Variants in NUDCD1 observed in about 807,000 individuals in gnomAD.
The protein encoded by NUDCD1 is nudC domain-containing protein 1.
A neutral mutation model predicts 67.8 loss-of-function variants in NUDCD1; 60 were observed. The observed-to-expected ratio is 0.88, with a 90% CI of 0.72 to 1.10. NUDCD1 has a LOEUF of 1.10. Among genes scored for constraint, NUDCD1 ranks in the 50% least tolerant of loss-of-function variants. The pLI is 0.00. For missense variants in NUDCD1, 643 were observed against 695.0 expected (o/e 0.93, Z 0.84); for synonymous variants, 244 against 230.8 (o/e 1.06, Z -0.52).
chr8:109,299,051 G>T (rs1188500424), intron 2 of NUDCD1: 1 of 152,328 alleles, frequency 6.6e-6, no homozygotes, highest in African/African-American at 2.4e-5. Context: ...AGTCACTTGA[G>T]AGAGCTGAGC....
intron 2 of NUDCD1, among the ~76,000 whole-genome samples, chr8:109,320,228 C>T (rs1182250027): frequency 6.6e-6 from 1 of 152,146 alleles, no homozygotes. Flanking sequence ...ATTTCCTCTT[C>T]CTAATAAGCC....
At position 109,289,875 on chromosome 8, in the gene NUDCD1, A is replaced by G. The variant is rs1436347806; in HGVS notation, c.699T>C (p.His233=). ...RDILRGKSVP[H]YAAIEPDGNG... Reference sequence around the variant, plus strand: ...TTCCATCAGGCTCAATAGCAGCATAATGTGGCACTGACTTTCCACGGAGAA... The same window carrying G: ...TTCCATCAGGCTCAATAGCAGCATAGTGTGGCACTGACTTTCCACGGAGAA... The change falls in exon 5 of 10, where the codon CAT becomes CAC. Residue 233 remains histidine, a synonymous_variant. Coordinates refer to ENST00000239690, the MANE Select transcript of NUDCD1 (RefSeq NM_032869.4). 1 of 1,545,346 alleles carries G rather than the reference A, an allele frequency of 6.5e-7. No homozygotes were observed. The highest frequency in any genetic ancestry group is 1.2e-5 in the South Asian group (1 of 80,120).
At chr8:109,332,054 T>C (rs534233591) in intron 1 of NUDCD1, among the ~76,000 whole-genome samples, 68 of 152,344 alleles carry the variant, frequency 4.5e-4, no homozygotes, top group African/African-American at 1.6e-3. Context: ...CTTCTTCATA[T>C]ACTCATTTTA....
intron 2 of NUDCD1, among the ~76,000 whole-genome samples, chr8:109,318,301 G>A (rs56143438): frequency 7.2e-5 from 11 of 152,302 alleles, no homozygotes; most frequent in South Asian, 4.1e-4. Context: ...ATCTGACTTC[G>A]AGTCAGAAAA....
intron 8 of NUDCD1, among the ~76,000 whole-genome samples, chr8:109,247,891 C>T (rs908944250): frequency 4.0e-5 from 6 of 151,378 alleles, no homozygotes; most frequent in East Asian, 1.9e-4. Context: ...GAATAACGTC[C>T]CCCAAAGATG....
rs761581682 is a variant in NUDCD1 at position 109,245,414 on chromosome 8, CAGA to C, written c.1364_1366del (p.Phe455del). ...TAGGGCATCAACATCATGGCGCAAACAGAAGCAGGGCATTTCTTTAGGATCCAC... is the reference window on the plus strand; with the variant it reads ...TAGGGCATCAACATCATGGCGCAAACAGCAGGGCATTTCTTTAGGATCCAC... On this transcript the variant is annotated inframe_deletion, in exon 9 of 10. Transcript: ENST00000239690. The C allele has an allele frequency of 6.2e-7, 1 of 1,613,776 alleles. No homozygotes were observed. The highest frequency in any genetic ancestry group is 8.5e-7 in the Non-Finnish European group (1 of 1,179,874).
chr8:109,254,268 G>T (rs577406296), intron 8 of NUDCD1, among the ~76,000 whole-genome samples: 1 of 152,226 alleles, frequency 6.6e-6, no homozygotes, highest in Non-Finnish European at 1.5e-5. Context: ...GAAATACAAA[G>T]TATGGTAATT....
intron 2 of NUDCD1, among the ~76,000 whole-genome samples, chr8:109,297,637 C>A (rs1814876737): frequency 6.6e-6 from 1 of 152,180 alleles, no homozygotes; most frequent in East Asian, 1.9e-4. Flanking sequence ...AGACACCAAA[C>A]CTGCCAGTAC....
chr8:109,255,664 G>C (rs935131356), intron 8 of NUDCD1, among the ~76,000 whole-genome samples: 1 of 128,528 alleles, frequency 7.8e-6, no homozygotes, highest in Non-Finnish European at 1.7e-5. Context: ...TCAGAAAATA[G>C]AAAGTTCCAC....
chr8:109,302,793 G>A lies in NUDCD1; in HGVS notation c.274-6224C>T, dbSNP rs567936625. ...GGCAACAACCCTCAGACGCTTTACC[G>A]CCCTAGACCCAGAGGGGCCAGAAGG... On this transcript the variant is annotated intron_variant, in intron 2 of 9. Coordinates refer to ENST00000239690, the MANE Select transcript of NUDCD1 (RefSeq NM_032869.4). 2.6e-4 allele frequency among the ~76,000 whole-genome samples: 40 copies of A among 152,106 alleles called. No homozygotes were observed. In the East Asian group the frequency reaches 5.6e-3, roughly 21 times the overall value.
intron 8 of NUDCD1, 124 bp downstream of exon 8, chr8:109,270,881 G>A (rs1642038229): frequency 1.7e-6 from 1 of 600,214 alleles, no homozygotes; most frequent in Non-Finnish European, 2.9e-6. Flanking sequence ...GCTACTTTAT[G>A]GAGTGATGAG....
chr8:109,255,094 A>G (rs1813699607), intron 8 of NUDCD1, among the ~76,000 whole-genome samples: 1 of 152,184 alleles, frequency 6.6e-6, no homozygotes, highest in Admixed American at 6.5e-5. Context: ...AAATTCAGAT[A>G]TATTTCCAAA....
intron 5 of NUDCD1, among the ~76,000 whole-genome samples, chr8:109,288,048 G>A (rs1470058636): frequency 6.6e-6 from 1 of 152,070 alleles, no homozygotes; most frequent in African/African-American, 2.4e-5. Flanking sequence ...AAGGAAACCA[G>A]TATATATATT....
intron 5 of NUDCD1, among the ~76,000 whole-genome samples, chr8:109,288,144 T>C (rs1814619250): frequency 6.6e-6 from 1 of 152,162 alleles, no homozygotes; most frequent in Non-Finnish European, 1.5e-5. Flanking sequence ...TTTATTACTG[T>C]GAAAATCCTA....
rs1241567011 is a variant in NUDCD1, at chr8:109,293,493, A to G, written c.491T>C (p.Phe164Ser). 1.9e-6 allele frequency: 3 copies of G among 1,564,240 alleles called. No individual in the cohort carries two copies. The highest frequency in any genetic ancestry group is 2.8e-5 in the African/African-American group (2 of 71,984). Residue 164 changes from phenylalanine (F) to serine (S), a missense_variant, in exon 4 of 10, where the codon TTT (phenylalanine) becomes TCT (serine). Physicochemically the swap from Phe to Ser is radical, Grantham distance 155 (BLOSUM62 -2). Transcript: ENST00000239690. The stretch of plus-strand genomic sequence containing the variant: ...CAGTGAGATACTGTGAATTATAATA[A>G]AAGGATCCCCAAGTTCTTCATTAAA... ...IMFNEELGDP[F>S]IIIHSISLLN... is the part of the protein sequence containing the mutation.
rs756921267 is a variant in NUDCD1 at position 109,241,484 on chromosome 8, TTG to T, written c.*1523_*1524del. ...TCTGGAAATATCACTGTTTTGGTTTTTGGTTACTATACAGTTTTCCATCTCTA... is the reference window on the plus strand; with the variant it reads ...TCTGGAAATATCACTGTTTTGGTTTTGTTACTATACAGTTTTCCATCTCTA... On this transcript the variant is annotated 3_prime_UTR_variant, in exon 10 of 10. Transcript: ENST00000239690. The T allele has an allele frequency of 5.9e-5, 9 of 152,124 alleles. No homozygotes were observed. Among genetic ancestry groups the T allele is most frequent in the Non-Finnish European group, 1.3e-4 (9 of 68,016 alleles). The allele number at this position is 152,124 out of a possible 1,614,324, so 9.4% of individuals were successfully genotyped here. A position where few individuals can be genotyped will look rare whatever the true frequency, so the allele number is the denominator to read the frequency against.
intron 5 of NUDCD1, 92 bp from the exon 6 acceptor site, chr8:109,281,264 AC>A: frequency 2.8e-6 from 2 of 726,954 alleles, no homozygotes; most frequent in Admixed American, 4.9e-5. Context: ...TAGTATATTT[AC>A]TAGTGATCAT....
chr8:109,260,691 T>C (rs1454792244), intron 8 of NUDCD1, among the ~76,000 whole-genome samples: 3 of 152,236 alleles, frequency 2.0e-5, no homozygotes, highest in African/African-American at 7.2e-5. Flanking sequence ...CATACACACA[T>C]GCACACGTCT....
chr8:109,328,509 T>A (rs1348967370), intron 1 of NUDCD1, among the ~76,000 whole-genome samples: 1 of 152,154 alleles, frequency 6.6e-6, no homozygotes, highest in African/African-American at 2.4e-5. Context: ...TTGAGGAGAT[T>A]ACCCCAGGCT....
Sources: gnomAD v4.1 joint callset for allele counts (sites outside exome capture counted in the v4.1 genomes callset) on GRCh38, gnomAD v4.1.1 for gene constraint, MANE v1.5 for transcripts, NCBI Gene and HGNC (gene_info 2026-07-23, HGNC 2026-07-21) for gene names.